The following PTCHD4 variants were observed in gnomAD, a reference collection of about 807,000 sequenced individuals.
The protein encoded by PTCHD4 is patched domain-containing protein 4.
PTCHD4 carries 33 observed loss-of-function variants against 58.1 expected under a neutral mutation model. The observed-to-expected ratio is 0.57, with a 90% CI of 0.43 to 0.76. The LOEUF (loss-of-function observed/expected upper bound fraction) is 0.76. Ranked by LOEUF, PTCHD4 falls within the 30% of genes least tolerant of loss-of-function variation. PTCHD4 has a pLI of 0.00. For synonymous variants in PTCHD4, 478 were observed against 409.6 expected, an observed-to-expected ratio of 1.17 and a Z score of -2.02; for missense variants, 1,058 against 1,027.1, an observed-to-expected ratio of 1.03 and a Z score of -0.41.
At chr6:48,046,522 A>G (rs1764043375) in intron 3 of PTCHD4, among the ~76,000 whole-genome samples, 1 of 151,886 alleles carries the variant, frequency 6.6e-6, no homozygotes, top group South Asian at 2.1e-4. Flanking sequence ...TGTTAGTTAT[A>G]AACAACTGTT....
intron 4 of PTCHD4, among the ~76,000 whole-genome samples, chr6:48,002,136 A>T (rs1464440970): frequency 6.6e-6 from 1 of 152,244 alleles, no homozygotes; most frequent in Non-Finnish European, 1.5e-5. Context: ...GATGTGGAGA[A>T]ATAGGAATAC....
At chr6:47,943,131 GA>G (rs1766295845) in intron 4 of PTCHD4, among the ~76,000 whole-genome samples, 1 of 151,986 alleles carries the variant, frequency 6.6e-6, no homozygotes. Flanking sequence ...TTCATTTTGG[GA>G]AAAATCTCAG....
rs1418146329 is a variant in PTCHD4 at position 47,879,887 on chromosome 6, G to T, written c.948C>A (p.Thr316=). 1.9e-6 allele frequency: 3 copies of T among 1,586,742 alleles called. No homozygotes were observed. Among genetic ancestry groups the T allele is most frequent in the East Asian group, 2.3e-5 (1 of 43,652 alleles). ...TGTCTTTGAAGGGCAAGTTCTCTTT[G>T]GTTCTCCGCCATCCGGACAGAAGCT... The part of the protein sequence containing the change: ...VFELLSGWRR[T]KENLPFKDRI... Residue 316 remains threonine, a synonymous_variant, in exon 5 of 5, where the codon ACC becomes ACA. Coordinates refer to ENST00000339488, the MANE Select transcript of PTCHD4 (RefSeq NM_001384253.1).
In PTCHD4 at chr6:47,871,347, C is replaced by A. The variant is rs959472234; in HGVS notation, c.*6956G>T. ...TGCCTAGAATAAACAAACAAACACC[C>A]GAACAGATTTTTTCCTCCAAGAAAA... is the stretch of plus-strand genomic sequence containing the variant. On this transcript the variant is annotated 3_prime_UTR_variant, in exon 5 of 5. Coordinates refer to ENST00000339488, the MANE Select transcript of PTCHD4 (RefSeq NM_001384253.1). Among the ~76,000 whole-genome samples the A allele has an allele frequency of 1.3e-5, 2 of 151,520 alleles. No homozygotes were observed. Among genetic ancestry groups the A allele is most frequent in the Non-Finnish European group, 3.0e-5 (2 of 67,718 alleles).
intron 3 of PTCHD4, among the ~76,000 whole-genome samples, chr6:48,011,175 A>G (rs1174544839): frequency 6.6e-6 from 1 of 152,086 alleles, no homozygotes; most frequent in African/African-American, 2.4e-5. Context: ...CAATGGTTGA[A>G]CTAATTTACA....
At chr6:48,084,574 G>T (rs1765226919) in intron 1 of PTCHD4, among the ~76,000 whole-genome samples, 1 of 152,036 alleles carries the variant, frequency 6.6e-6, no homozygotes, top group African/African-American at 2.4e-5. Flanking sequence ...ATCAGTTTTT[G>T]TGGAAATGAC....
At chr6:47,947,395 T>C (rs1352622425) in intron 4 of PTCHD4, among the ~76,000 whole-genome samples, 1 of 152,138 alleles carries the variant, frequency 6.6e-6, no homozygotes, top group Non-Finnish European at 1.5e-5. Flanking sequence ...CTTTTATTCA[T>C]GTTTCTTTTA....
chr6:47,966,338 C>T (rs1445247330), intron 4 of PTCHD4, among the ~76,000 whole-genome samples: 1 of 152,140 alleles, frequency 6.6e-6, no homozygotes, highest in Non-Finnish European at 1.5e-5. Flanking sequence ...TGAGAATGTA[C>T]ATACCTTAAT....
chr6:47,932,781 G>A (rs1752820034), intron 4 of PTCHD4, among the ~76,000 whole-genome samples: 1 of 152,230 alleles, frequency 6.6e-6, no homozygotes, highest in Admixed American at 6.5e-5. Flanking sequence ...TGAGTTGGGA[G>A]CCCAACCTTG....
rs1425005789 is a variant in PTCHD4, at chr6:47,863,873, G to A, written c.*14430C>T. 6.6e-6 allele frequency among the ~76,000 whole-genome samples: 1 copy of A among 151,974 alleles called. No homozygotes were observed. Among genetic ancestry groups the A allele is most frequent in the African/African-American group, 2.4e-5 (1 of 41,416 alleles). ...CTTCAAGAGTTTAAAAAGTCTTCTAGATGAGTTCTACCAACAGGTAGACTT... is the reference window on the plus strand; with the variant it reads ...CTTCAAGAGTTTAAAAAGTCTTCTAAATGAGTTCTACCAACAGGTAGACTT... On this transcript the variant is annotated 3_prime_UTR_variant, in exon 5 of 5. Coordinates refer to ENST00000339488, the MANE Select transcript of PTCHD4 (RefSeq NM_001384253.1).
At chr6:48,044,462 C>G (rs1395157983) in intron 3 of PTCHD4, among the ~76,000 whole-genome samples, 2 of 151,744 alleles carry the variant, frequency 1.3e-5, no homozygotes, top group Non-Finnish European at 2.9e-5. Context: ...AAACTTGGAG[C>G]TGAGGGTATC....
chr6:47,895,296 T>G (rs1056800955), intron 4 of PTCHD4, among the ~76,000 whole-genome samples: 1 of 152,162 alleles, frequency 6.6e-6, no homozygotes, highest in Non-Finnish European at 1.5e-5. Context: ...TAAACCTATA[T>G]AAAAACTCTA....
In PTCHD4 at chr6:48,068,315, A is replaced by G; in HGVS notation, c.332T>C (p.Val111Ala). 1 of 1,610,374 alleles carries G rather than the reference A, an allele frequency of 6.2e-7. No homozygotes were observed. The highest frequency in any genetic ancestry group is 1.7e-5 in the Admixed American group (1 of 59,374). The stretch of plus-strand genomic sequence containing the variant: ...GTCCCCGGTTGGGGAGAGGAGGATC[A>G]CCCTGCCATACCTCCCAGGGGTGTG... ...DLHTPGRYGR[V>A]ILLSPTGDNI... The change falls in exon 3 of 5, where the codon GTG (valine) becomes GCG (alanine). Residue 111 changes from valine (V) to alanine (A), a missense_variant. Val to Ala is a moderately conservative substitution (Grantham distance 64, BLOSUM62 0). Transcript: ENST00000339488. The surrounding 1 kb of genome is among the most constrained non-coding windows in gnomAD (Gnocchi z 4.2).
At chr6:47,896,515 T>C (rs1326888874) in intron 4 of PTCHD4, among the ~76,000 whole-genome samples, 1 of 152,248 alleles carries the variant, frequency 6.6e-6, no homozygotes, top group Admixed American at 6.5e-5. Context: ...TGTTACTACA[T>C]GGAAATGTAT....
At chr6:48,083,854 A>G (rs1271122116) in intron 1 of PTCHD4, among the ~76,000 whole-genome samples, 1 of 152,192 alleles carries the variant, frequency 6.6e-6, no homozygotes, top group Non-Finnish European at 1.5e-5. Flanking sequence ...TAGAAGTAGA[A>G]TTGTCCCCAG....
At chr6:48,064,875 T>C (rs532332567) in intron 3 of PTCHD4, among the ~76,000 whole-genome samples, 3 of 152,300 alleles carry the variant, frequency 2.0e-5, no homozygotes, top group South Asian at 2.1e-4. Flanking sequence ...TCATGTCATA[T>C]AGATGTAGGG....
At chr6:48,064,837 A>G (rs565206151) in intron 3 of PTCHD4, among the ~76,000 whole-genome samples, 2 of 152,290 alleles carry the variant, frequency 1.3e-5, no homozygotes, top group East Asian at 1.9e-4. Flanking sequence ...TAAAAGAAAG[A>G]TTATAATGAA....
chr6:48,033,496 T>C (rs1437440820), intron 3 of PTCHD4, among the ~76,000 whole-genome samples: 3 of 151,476 alleles, frequency 2.0e-5, no homozygotes, highest in Non-Finnish European at 1.5e-5. Flanking sequence ...GGCCTTCCCC[T>C]TTTTTCCTTC....
rs796507806 is a variant in PTCHD4, at chr6:47,980,536, C to T, written c.898+28098G>A. 3.0e-4 allele frequency among the ~76,000 whole-genome samples: 45 copies of T among 152,040 alleles called. 1 individual carries two copies. The highest frequency in any genetic ancestry group is 9.9e-4 in the African/African-American group (41 of 41,520). On this transcript the variant is annotated intron_variant, in intron 4 of 4. Coordinates refer to ENST00000339488, the MANE Select transcript of PTCHD4 (RefSeq NM_001384253.1). ...TTATATAAGTGATGTTTTCAAATCA[C>T]GTTTTATATACATTTGTCTAATATC... is the stretch of plus-strand genomic sequence containing the variant.
Sources: allele counts gnomAD v4.1 joint callset (sites outside exome capture counted in the v4.1 genomes callset), GRCh38; gene constraint gnomAD v4.1.1; non-coding constraint Gnocchi (gnomAD v3.1); transcripts MANE v1.5; gene names NCBI Gene and HGNC (gene_info 2026-07-23, HGNC 2026-07-21).